PIGU: variants seen among roughly 807,000 people sequenced by gnomAD.
The protein encoded by PIGU is phosphatidylinositol glycan anchor biosynthesis class U, also known as GPI-anchor transamidase component PIGU.
PIGU carries 24 observed loss-of-function variants against 49.9 expected under a neutral mutation model. That is an observed-to-expected ratio of 0.48 (90% CI 0.35 to 0.68). PIGU has a LOEUF of 0.68. Among genes scored for constraint, PIGU ranks in the 30% least tolerant of loss-of-function variants. The pLI is 0.01. For synonymous variants in PIGU, 220 were observed against 205.7 expected (o/e 1.07, Z -0.59); for missense variants, 490 against 532.6 (o/e 0.92, Z 0.79).
chr20:34,638,317 C>G (rs769391645), intron 4 of PIGU, among the ~76,000 whole-genome samples: 2 of 152,192 alleles, frequency 1.3e-5, no homozygotes, highest in African/African-American at 4.8e-5. Flanking sequence ...CACCCCACAC[C>G]CAGGTAAAAT....
rs374136983 is a variant in PIGU at position 34,668,867 on chromosome 20, CTTTTTTTTTT to C, written c.130+8079_130+8088del. Among the ~76,000 whole-genome samples, 136 of 44,718 alleles carry C rather than the reference CTTTTTTTTTT, an allele frequency of 3.0e-3. 1 individual carries two copies. The highest frequency in any genetic ancestry group is 0.011 in the African/African-American group (125 of 11,886). The allele number at this position is 44,718 out of a possible 152,430, so 29.3% of individuals were successfully genotyped here. ...AAAAATTAGTGAAAAAATGGTAAAA[CTTTTTTTTTT>C]TTTTTTTTTTTTTTTTTTTTTTTAC... On this transcript the variant is annotated intron_variant, in intron 1 of 11. Coordinates refer to ENST00000217446, the MANE Select transcript of PIGU (RefSeq NM_080476.5).
chr20:34,627,129 T>C (rs933133225), intron 6 of PIGU, among the ~76,000 whole-genome samples: 1 of 152,140 alleles, frequency 6.6e-6, no homozygotes, highest in Non-Finnish European at 1.5e-5. Flanking sequence ...CTATTTATAG[T>C]AGCAAATAAT....
At chr20:34,568,015 C>G (rs982601484) in intron 11 of PIGU, among the ~76,000 whole-genome samples, 10 of 152,152 alleles carry the variant, frequency 6.6e-5, no homozygotes, top group Admixed American at 5.9e-4. Context: ...CTCCACAGAC[C>G]GAGGGCTCCT....
chr20:34,591,716 T>C (rs998241236), intron 7 of PIGU, among the ~76,000 whole-genome samples: 33 of 152,230 alleles, frequency 2.2e-4, no homozygotes, highest in African/African-American at 8.0e-4. Context: ...AAGTATACAA[T>C]ATATTATTAA....
chr20:34,566,371 C>G (rs1227578567), intron 11 of PIGU, among the ~76,000 whole-genome samples: 1 of 152,340 alleles, frequency 6.6e-6, no homozygotes, highest in Admixed American at 6.5e-5. Context: ...AGCGCTGCCC[C>G]CAGGGACGGC....
chr20:34,604,803 G>A (rs994098564), intron 7 of PIGU, among the ~76,000 whole-genome samples: 1 of 152,134 alleles, frequency 6.6e-6, no homozygotes, highest in Non-Finnish European at 1.5e-5. Flanking sequence ...CAGGATTAAC[G>A]TTTTCAGTTC....
intron 6 of PIGU, 93 bp downstream of exon 6, chr20:34,634,522 T>A: frequency 2.5e-6 from 3 of 1,204,636 alleles, no homozygotes; most frequent in Non-Finnish European, 3.3e-6. Context: ...AGTGTTGCAT[T>A]AAAAAAAAAA....
chr20:34,650,198 C>T (rs1192477930), intron 2 of PIGU, among the ~76,000 whole-genome samples: 1 of 152,046 alleles, frequency 6.6e-6, no homozygotes, highest in Admixed American at 6.6e-5. Flanking sequence ...CCGTTTGATT[C>T]ATTTTTTACA....
intron 7 of PIGU, among the ~76,000 whole-genome samples, 166 bp downstream of exon 7, chr20:34,615,876 A>C (rs1168758207): frequency 2.6e-5 from 4 of 152,160 alleles, no homozygotes; most frequent in African/African-American, 9.7e-5. Flanking sequence ...ATGATAATTA[A>C]GTCCACTTTG....
At chr20:34,658,634 G>A (rs1385893470) in intron 1 of PIGU, among the ~76,000 whole-genome samples, 5 of 151,420 alleles carry the variant, frequency 3.3e-5, no homozygotes, top group African/African-American at 1.2e-4. Context: ...GAGCGCCTCT[G>A]CCCAGCCGCG....
At chr20:34,642,582 T>C (rs940574475) in intron 4 of PIGU, among the ~76,000 whole-genome samples, 3 of 151,088 alleles carry the variant, frequency 2.0e-5, no homozygotes, top group African/African-American at 4.9e-5. Flanking sequence ...ATCTGGGTAA[T>C]TGTGGTCTTA....
At chr20:34,601,546 C>T (rs189214776) in intron 7 of PIGU, among the ~76,000 whole-genome samples, 81 of 152,220 alleles carry the variant, frequency 5.3e-4, no homozygotes, top group Middle Eastern at 3.4e-3. Flanking sequence ...TCATGTCCAA[C>T]GAAATCAGGG....
chr20:34,573,866 T>G (rs1170392388), intron 11 of PIGU, among the ~76,000 whole-genome samples: 1 of 152,220 alleles, frequency 6.6e-6, no homozygotes, highest in African/African-American at 2.4e-5. Context: ...TTTCTTCTGC[T>G]CACAAACCAA....
chr20:34,571,323 TTACCTGC>T (rs1246526599), intron 11 of PIGU, among the ~76,000 whole-genome samples: 1 of 152,152 alleles, frequency 6.6e-6, no homozygotes, highest in Non-Finnish European at 1.5e-5. Context: ...AGTCACTGGT[TTACCTGC>T]CGGTATAACT....
chr20:34,584,487 C>G (rs1983613238), intron 9 of PIGU, among the ~76,000 whole-genome samples: 1 of 151,562 alleles, frequency 6.6e-6, no homozygotes. Flanking sequence ...AACACACTCC[C>G]CTCCACAACT....
chr20:34,574,759 T>C (rs1160725891), intron 11 of PIGU, among the ~76,000 whole-genome samples: 1 of 152,134 alleles, frequency 6.6e-6, no homozygotes, highest in Admixed American at 6.5e-5. Flanking sequence ...TCAAGCCTTA[T>C]GTGAATTTTG....
intron 6 of PIGU, among the ~76,000 whole-genome samples, chr20:34,617,397 T>A (rs909623023): frequency 6.6e-6 from 1 of 152,196 alleles, no homozygotes; most frequent in African/African-American, 2.4e-5. Context: ...CCCTCTTACA[T>A]CAGCATGACC....
At chr20:34,638,128 C>T (rs1167046887) in intron 4 of PIGU, 143 bp from the exon 5 acceptor site, 5 of 1,336,266 alleles carry the variant, frequency 3.7e-6, no homozygotes, top group East Asian at 5.8e-5. Flanking sequence ...ATCTCACACT[C>T]GGCCCTCCCC....
chr20:34,604,282 C>T (rs1050288025), intron 7 of PIGU, among the ~76,000 whole-genome samples: 12 of 152,174 alleles, frequency 7.9e-5, no homozygotes, highest in African/African-American at 2.7e-4. Context: ...ATCTTCCTCT[C>T]CCCAAGTCTC....
Sources: gnomAD v4.1 joint callset for allele counts (sites outside exome capture counted in the v4.1 genomes callset) on GRCh38, gnomAD v4.1.1 for gene constraint, MANE v1.5 for transcripts, NCBI Gene and HGNC (gene_info 2026-07-23, HGNC 2026-07-21) for gene names.